The following RNPS1 variants were observed in gnomAD, a reference collection of about 807,000 sequenced individuals.
RNPS1 encodes RNA-binding protein with serine-rich domain 1.
For missense variants in RNPS1, 300 were observed against 427.6 expected, an observed-to-expected ratio of 0.70 and a Z score of 2.63; for synonymous variants, 147 against 150.0, an observed-to-expected ratio of 0.98 and a Z score of 0.15.
chr16:2,255,309 C>T (rs956887273), intron 7 of RNPS1, among the ~76,000 whole-genome samples: 10 of 152,224 alleles, frequency 6.6e-5, no homozygotes, highest in African/African-American at 2.2e-4. Context: ...TGGGCCTGCA[C>T]CTGGGCTCAC....
At chr16:2,254,105 T>C (rs1277258134) in intron 7 of RNPS1, 42 bp from the exon 8 acceptor site, 12 of 1,357,874 alleles carry the variant, frequency 8.8e-6, no homozygotes, top group African/African-American at 1.5e-5. Flanking sequence ...GCTCAGGCTG[T>C]AGGGGCAAGC....
At position 2,264,720 on chromosome 16, in the gene RNPS1, A is replaced by G; in HGVS notation, c.-77T>C. 2 of 1,591,192 alleles carry G rather than the reference A, an allele frequency of 1.3e-6. No individual in the cohort carries two copies. Among genetic ancestry groups the G allele is most frequent in the Admixed American group, 3.4e-5 (2 of 58,122 alleles). On this transcript the variant is annotated 5_prime_UTR_variant, in exon 2 of 8. Coordinates refer to ENST00000320225, the MANE Select transcript of RNPS1 (RefSeq NM_080594.4). ...CTCTCACTTCTAACTTGATTCTGAG[A>G]AACGATCCCTAATCGATTGCAATTT...
chr16:2,262,184 CA>C lies in RNPS1; in HGVS notation c.676+93del, dbSNP rs373915275. 1.1e-3 allele frequency: 1,412 copies of C among 1,317,158 alleles called. 10 individuals carry two copies. In the African/African-American group the frequency reaches 0.018, roughly 17 times the overall value. 81.6% of individuals were successfully genotyped at this position (1,317,158 alleles called of 1,614,324 possible). ...AGTGTGAAACTCTGTCTCAAACAAA[CA>C]AAAAGAAGTGCAGCCCAGTTGGAAA... is the stretch of plus-strand genomic sequence containing the variant. On this transcript the variant is annotated intron_variant, in intron 6 of 7. Transcript: ENST00000320225.
rs529745966 is a variant in RNPS1 at position 2,266,129 on chromosome 16, G to T, written c.-117-1369C>A. 2.1e-4 allele frequency: 209 copies of T among 985,448 alleles called. 1 individual carries two copies. The South Asian group carries it at 8.7e-3, about 41-fold the overall frequency. 61.0% of individuals were successfully genotyped at this position (985,448 alleles called of 1,614,324 possible). On this transcript the variant is annotated intron_variant, in intron 1 of 7. Coordinates refer to ENST00000320225, the MANE Select transcript of RNPS1 (RefSeq NM_080594.4). ...TCTCACCTTCTCCAAGAGCCAGTTGGTAAGGAGGACACAGCACACCAATGT... is the reference window on the plus strand; with the variant it reads ...TCTCACCTTCTCCAAGAGCCAGTTGTTAAGGAGGACACAGCACACCAATGT...
intron 1 of RNPS1, chr16:2,266,334 G>C (rs999929880): frequency 1.0e-6 from 1 of 985,212 alleles, no homozygotes; most frequent in Non-Finnish European, 1.2e-6. Context: ...GAACAGTAAG[G>C]TTCTGCAGAC....
intron 5 of RNPS1, 81 bp downstream of exon 5, chr16:2,262,659 G>C (rs986047640): frequency 7.7e-7 from 1 of 1,294,040 alleles, no homozygotes; most frequent in African/African-American, 1.5e-5. Context: ...TCCTCCAAAA[G>C]GCTACATTCT....
In RNPS1 at chr16:2,253,568, C is replaced by G; in HGVS notation, c.*396G>C. 6.0e-6 allele frequency: 2 copies of G among 333,378 alleles called. No homozygotes were observed. The highest frequency in any genetic ancestry group is 1.1e-5 in the Non-Finnish European group (2 of 174,838). 20.7% of individuals were successfully genotyped at this position (333,378 alleles called of 1,614,324 possible). A position where few individuals can be genotyped will look rare whatever the true frequency, so the allele number is the denominator to read the frequency against. ...CTAAAGCCTGGGGCAGCTCCCTTTC[C>G]AAAAGGACACTGCCCAGCAACAGCA... is the stretch of plus-strand genomic sequence containing the variant. On this transcript the variant is annotated 3_prime_UTR_variant, in exon 8 of 8. Coordinates refer to ENST00000320225, the MANE Select transcript of RNPS1 (RefSeq NM_080594.4).
chr16:2,267,336 C>T (rs1180187268), intron 1 of RNPS1: 1 of 984,790 alleles, frequency 1.0e-6, no homozygotes, highest in African/African-American at 1.7e-5. Flanking sequence ...AAGTACATTT[C>T]AGGCACAGTT....
At chr16:2,264,118 G>A in intron 3 of RNPS1, 58 bp downstream of exon 3, 2 of 1,588,520 alleles carry the variant, frequency 1.3e-6, no homozygotes, top group South Asian at 1.1e-5. Flanking sequence ...CATCTGTGGG[G>A]AGTGGGGGTG....
intron 6 of RNPS1, chr16:2,256,124 T>TA: frequency 1.6e-5 from 3 of 184,456 alleles, no homozygotes; most frequent in Admixed American, 1.1e-4. Flanking sequence ...AAACTCCGTC[T>TA]CAAAAAAAAA....
intron 4 of RNPS1, 48 bp downstream of exon 4, chr16:2,263,048 T>A (rs376754979): frequency 6.3e-7 from 1 of 1,586,532 alleles, no homozygotes; most frequent in Non-Finnish European, 8.6e-7. Context: ...ATGGTAAATC[T>A]GTAGCCCCGA....
intron 6 of RNPS1, among the ~76,000 whole-genome samples, chr16:2,261,425 G>A (rs1362670361): frequency 6.6e-6 from 1 of 152,224 alleles, no homozygotes; most frequent in African/African-American, 2.4e-5. Flanking sequence ...GGTGCCCCAT[G>A]ACGACAACCC....
intron 6 of RNPS1, 61 bp from the exon 7 acceptor site, chr16:2,255,787 G>A (rs1195742033): frequency 2.8e-5 from 44 of 1,550,536 alleles, no homozygotes; most frequent in Non-Finnish European, 3.6e-5. Context: ...GACAATGCAT[G>A]CCACAGTGAA....
At chr16:2,262,976 T>C in intron 4 of RNPS1, 120 bp downstream of exon 4, 1 of 1,325,588 alleles carries the variant, frequency 7.5e-7, no homozygotes, top group Non-Finnish European at 1.1e-6. Flanking sequence ...ACATACATTA[T>C]TCCTGTCTCA....
rs73500145 is a variant in RNPS1, at chr16:2,264,436, G to A, written c.72-105C>T. ...ATCAGCAGGGCCACAGAGACCCGAG[G>A]TGACCACAGAGCAAAGTGGTCTGTG... On this transcript the variant is annotated intron_variant, in intron 2 of 7. Coordinates refer to ENST00000320225, the MANE Select transcript of RNPS1 (RefSeq NM_080594.4). 2.2e-3 allele frequency: 3,470 copies of A among 1,564,668 alleles called. 67 individuals carry two copies. In the African/African-American group the frequency reaches 0.039, roughly 17 times the overall value.
Position 2,262,266 on chromosome 16 carries a change from AG to A in RNPS1, c.676+11del. On this transcript the variant is annotated intron_variant, in intron 6 of 7. Transcript: ENST00000320225. The stretch of plus-strand genomic sequence containing the variant: ...CTCTGAGAGGTCAGGGTTATGTGGC[AG>A]GGTCACCCACCTCCATCCATGTGCT... 1 of 1,611,724 alleles carries A rather than the reference AG, an allele frequency of 6.2e-7. No homozygotes were observed. Among genetic ancestry groups the A allele is most frequent in the East Asian group, 2.2e-5 (1 of 44,864 alleles).
chr16:2,266,381 C>A (rs1382824601), intron 1 of RNPS1: 1 of 985,216 alleles, frequency 1.0e-6, no homozygotes. Context: ...TTTGTGTCCT[C>A]GGACAATCAG....
chr16:2,256,020 G>C (rs2093576748), intron 6 of RNPS1: 2 of 345,266 alleles, frequency 5.8e-6, no homozygotes, highest in South Asian at 5.2e-5. Flanking sequence ...AGCTACTCGG[G>C]AGGCTGAGGC....
In RNPS1 at chr16:2,264,622, T is replaced by G. The variant is rs1202189899; in HGVS notation, c.22A>C (p.Lys8Gln). The change falls in exon 2 of 8, where the codon AAG (lysine) becomes CAG (glutamine). Residue 8 changes from lysine (K) to glutamine (Q), a missense_variant. Coordinates refer to ENST00000320225, the MANE Select transcript of RNPS1 (RefSeq NM_080594.4). ...TCTTTGACTCCTAGCAAGCTCTTCT[T>G]TTTCACTCCTGATAAATCCATTCTC... Reference protein sequence around the residue: MDLSGVKKKSLLGVKENN... With the variant: MDLSGVKQKSLLGVKENN... 3 of 1,613,098 alleles carry G rather than the reference T, an allele frequency of 1.9e-6. No individual in the cohort carries two copies. The highest frequency in any genetic ancestry group is 3.3e-5 in the Admixed American group (2 of 60,006).
Sources: gnomAD v4.1 joint callset for allele counts (sites outside exome capture counted in the v4.1 genomes callset) on GRCh38, gnomAD v4.1.1 for gene constraint, MANE v1.5 for transcripts, NCBI Gene and HGNC (gene_info 2026-07-23, HGNC 2026-07-21) for gene names.